GRIN2B: variants seen among roughly 807,000 people sequenced by gnomAD.
The protein encoded by GRIN2B is glutamate receptor ionotropic, NMDA 2B.
In GRIN2B, 5 loss-of-function variants were observed where a neutral mutation model predicts 114.5. That is an observed-to-expected ratio of 0.04 (90% CI 0.02 to 0.09). The LOEUF is 0.09. GRIN2B is among the 10% of genes least tolerant of loss of function. The pLI is 1.00. For missense variants in GRIN2B, 1,108 were observed against 1,943.5 expected (o/e 0.57, Z 8.08); for synonymous variants, 787 against 745.1 (o/e 1.06, Z -0.92).
intron 3 of GRIN2B, among the ~76,000 whole-genome samples, chr12:13,857,242 T>C (rs191444489): frequency 6.9e-4 from 105 of 152,294 alleles, no homozygotes; most frequent in African/African-American, 2.4e-3. Flanking sequence ...TTTGAGCATA[T>C]TTATGGGCCA....
chr12:13,915,616 T>A (rs1866703848), intron 2 of GRIN2B, among the ~76,000 whole-genome samples: 1 of 152,226 alleles, frequency 6.6e-6, no homozygotes. Context: ...ACTGGACACT[T>A]GAAATGTGGC....
At chr12:13,766,808 A>C (rs559755945) in intron 3 of GRIN2B, among the ~76,000 whole-genome samples, 3 of 152,158 alleles carry the variant, frequency 2.0e-5, no homozygotes, top group African/African-American at 7.2e-5. Flanking sequence ...CTCTTCTCTC[A>C]GTGTATTTGA....
chr12:13,857,447 A>G (rs987818381), intron 3 of GRIN2B, among the ~76,000 whole-genome samples: 3 of 152,174 alleles, frequency 2.0e-5, no homozygotes, highest in African/African-American at 7.2e-5. Flanking sequence ...ACCCTCATAC[A>G]TTCCCAAACA....
intron 5 of GRIN2B, among the ~76,000 whole-genome samples, chr12:13,652,180 T>G (rs2216213): frequency 0.99 from 150,885 of 151,818 alleles, 74,984 homozygotes; most frequent in Middle Eastern, 1. Flanking sequence ...TTTAGCACTT[T>G]GCTAACTCTT....
chr12:13,606,543 A>C (rs1949250994), intron 10 of GRIN2B, among the ~76,000 whole-genome samples: 1 of 152,166 alleles, frequency 6.6e-6, no homozygotes, highest in African/African-American at 2.4e-5. Context: ...CACCTTCAAC[A>C]CTGGGGATCA....
chr12:13,857,410 C>T (rs1032017844), intron 3 of GRIN2B, among the ~76,000 whole-genome samples: 4 of 152,160 alleles, frequency 2.6e-5, no homozygotes, highest in African/African-American at 7.2e-5. Context: ...CTCTCACACA[C>T]ACCAGTTATT....
chr12:13,854,640 C>A (rs1478618835), intron 3 of GRIN2B, among the ~76,000 whole-genome samples: 5 of 117,536 alleles, frequency 4.3e-5, no homozygotes, highest in African/African-American at 1.7e-4. Flanking sequence ...AGTGGAACAG[C>A]TAAAGGGAAC....
In GRIN2B at chr12:13,563,286, C is replaced by T; in HGVS notation, c.3952G>A (p.Ala1318Thr). 1 of 1,614,202 alleles carries T rather than the reference C, an allele frequency of 6.2e-7. No homozygotes were observed. Among genetic ancestry groups the T allele is most frequent in the Non-Finnish European group, 8.5e-7 (1 of 1,180,042 alleles). ...TCTTTCAGGCTTACGCTGCGCGGGG[C>T]CAGGGCGGCTTCTTCCTTCTGCAGG... ...VDLQKEEAAL[A>T]PRSVSLKDKG... The change falls in exon 14 of 14, where the codon GCC (alanine) becomes ACC (threonine). Residue 1318 changes from alanine to threonine, a missense_variant. Ala to Thr is a moderately conservative substitution (Grantham distance 58). Coordinates refer to ENST00000609686, the MANE Select transcript of GRIN2B (RefSeq NM_000834.5).
chr12:13,736,228 C>T (rs1016011156), intron 4 of GRIN2B, among the ~76,000 whole-genome samples: 1 of 149,854 alleles, frequency 6.7e-6, no homozygotes, highest in Non-Finnish European at 1.5e-5. Flanking sequence ...CAGCATATGG[C>T]ATTTCTAGGT....
chr12:13,838,513 A>T (rs561605031), intron 3 of GRIN2B, among the ~76,000 whole-genome samples: 1 of 152,180 alleles, frequency 6.6e-6, no homozygotes, highest in South Asian at 2.1e-4. Context: ...ACATTACTTC[A>T]ATGGCCTCTT....
intron 2 of GRIN2B, among the ~76,000 whole-genome samples, chr12:13,885,373 A>C (rs1866138120): frequency 6.6e-6 from 1 of 152,196 alleles, no homozygotes; most frequent in Non-Finnish European, 1.5e-5. Flanking sequence ...CAAGAATGAA[A>C]TCTATCTCTA....
At chr12:13,927,373 T>C (rs1866936356) in intron 2 of GRIN2B, among the ~76,000 whole-genome samples, 1 of 152,164 alleles carries the variant, frequency 6.6e-6, no homozygotes, top group Non-Finnish European at 1.5e-5. Flanking sequence ...AAATGTTTTT[T>C]TCTGTAAAGT....
At chr12:13,861,717 T>C (rs557800137) in intron 3 of GRIN2B, among the ~76,000 whole-genome samples, 2 of 152,280 alleles carry the variant, frequency 1.3e-5, no homozygotes, top group South Asian at 4.2e-4. Flanking sequence ...CACCTCACAC[T>C]TCAGAGCCTT....
intron 3 of GRIN2B, among the ~76,000 whole-genome samples, chr12:13,795,824 T>G (rs983919690): frequency 2.0e-5 from 3 of 151,912 alleles, no homozygotes; most frequent in African/African-American, 7.3e-5. Flanking sequence ...GAGCAAACTA[T>G]CACAAGGACA....
intron 2 of GRIN2B, among the ~76,000 whole-genome samples, chr12:13,954,837 T>A (rs1189443277): frequency 2.1e-4 from 11 of 52,254 alleles, no homozygotes. Context: ...AAACTTTTTC[T>A]TCTTTGAAGG....
chr12:13,823,034 T>C (rs771885979), intron 3 of GRIN2B, among the ~76,000 whole-genome samples: 9 of 152,138 alleles, frequency 5.9e-5, no homozygotes, highest in Non-Finnish European at 1.3e-4. Flanking sequence ...TTCTGTTCCA[T>C]TGATTTGTAT....
chr12:13,969,578 C>G (rs1024252096), intron 2 of GRIN2B, among the ~76,000 whole-genome samples: 1 of 152,174 alleles, frequency 6.6e-6, no homozygotes, highest in East Asian at 1.9e-4. Context: ...CAAGGCAATT[C>G]CTCATAGATA....
At chr12:13,888,962 T>C (rs1276191232) in intron 2 of GRIN2B, among the ~76,000 whole-genome samples, 1 of 151,894 alleles carries the variant, frequency 6.6e-6, no homozygotes, top group Non-Finnish European at 1.5e-5. Flanking sequence ...TTTTTAAGAG[T>C]TTCTTCAGTA....
At chr12:13,969,328 A>G (rs1867839763) in intron 2 of GRIN2B, among the ~76,000 whole-genome samples, 1 of 152,216 alleles carries the variant, frequency 6.6e-6, no homozygotes, top group South Asian at 2.1e-4. Context: ...CTTTTTTAAC[A>G]TGGAAGCAAC....
Sources: allele counts gnomAD v4.1 joint callset (sites outside exome capture counted in the v4.1 genomes callset), GRCh38; gene constraint gnomAD v4.1.1; transcripts MANE v1.5; gene names NCBI Gene and HGNC (gene_info 2026-07-23, HGNC 2026-07-21).